C5orf34: variants seen among roughly 807,000 people sequenced by gnomAD.
C5orf34 encodes uncharacterized protein C5orf34.
Under a neutral mutation model 78.4 loss-of-function variants are expected in C5orf34, and 73 were observed. That is an observed-to-expected ratio of 0.93 (90% confidence interval 0.77 to 1.13). The LOEUF is 1.13. C5orf34 is among the 50% of genes most tolerant of loss of function. The pLI, the probability that C5orf34 is intolerant of heterozygous loss-of-function variation, is 0.00. For synonymous variants in C5orf34, 251 were observed against 246.6 expected (o/e 1.02, Z -0.17); for missense variants, 730 against 732.7 (o/e 1.00, Z 0.04).
At chr5:43,501,800 A>G (rs746804975) in intron 6 of C5orf34, among the ~76,000 whole-genome samples, 1 of 152,208 alleles carries the variant, frequency 6.6e-6, no homozygotes, top group African/African-American at 2.4e-5. Context: ...GTGTGATACT[A>G]TAGTGATTGC....
rs561197321 is a variant in C5orf34 at position 43,508,627 on chromosome 5, C to A, written c.235G>T (p.Ala79Ser). 1.9e-6 allele frequency: 3 copies of A among 1,612,228 alleles called. No individual in the cohort carries two copies. Among genetic ancestry groups the A allele is most frequent in the East Asian group, 4.5e-5 (2 of 44,840 alleles). The change falls in exon 3 of 13, where the codon GCT becomes TCT. Residue 79 changes from alanine to serine, a missense_variant. Ala to Ser is a moderately conservative substitution (Grantham distance 99, BLOSUM62 1). Transcript: ENST00000306862. ...QRALDFRNSS[A>S]TCPFLSETII... ...GTTTCAGATAAAAAAGGGCAAGTAG[C>A]TGAAGAGTTTCGAAAATCTAGGGCT...
chr5:43,489,784 A>G (rs946577731), intron 11 of C5orf34, among the ~76,000 whole-genome samples: 1 of 152,110 alleles, frequency 6.6e-6, no homozygotes, highest in African/African-American at 2.4e-5. Flanking sequence ...ATTTTGTTTC[A>G]CTACACTATG....
chr5:43,510,640 G>A lies in C5orf34; in HGVS notation c.-36-1265C>T, dbSNP rs796149542. ...ATTTTTTTGGTGGAGACGGGGTTTC[G>A]CTGTGTTGGCCGGGCTGGTCTCCAG... On this transcript the variant is annotated intron_variant, in intron 1 of 12. Coordinates refer to ENST00000306862, the MANE Select transcript of C5orf34 (RefSeq NM_198566.4). Among the ~76,000 whole-genome samples the A allele has an allele frequency of 4.0e-5, 6 of 150,862 alleles. No homozygotes were observed. In the East Asian group the frequency reaches 9.7e-4, roughly 24 times the overall value.
rs574379448 is a variant in C5orf34 at position 43,496,336 on chromosome 5, T to G, written c.1153-1735A>C. On this transcript the variant is annotated intron_variant, in intron 6 of 12. Coordinates refer to ENST00000306862, the MANE Select transcript of C5orf34 (RefSeq NM_198566.4). ...CTCAGCAGCCTCCTTCTCAAATTTT[T>G]CAATGGTTCTTTTGTCGATGCCACC... is the stretch of plus-strand genomic sequence containing the variant. 359 of 1,589,158 alleles carry G rather than the reference T, an allele frequency of 2.3e-4. 1 individual carries two copies. Among genetic ancestry groups the G allele is most frequent in the Admixed American group, 7.8e-4 (47 of 60,000 alleles).
chr5:43,496,500 A>C (rs1745531181), intron 6 of C5orf34: 1 of 1,438,352 alleles, frequency 7.0e-7, no homozygotes, highest in East Asian at 2.3e-5. Context: ...TTCTGGTGGC[A>C]AACCCATTGT....
chr5:43,490,220 T>A (rs1163484641), intron 11 of C5orf34: 1 of 167,428 alleles, frequency 6.0e-6, no homozygotes, highest in Non-Finnish European at 1.3e-5. Flanking sequence ...TTGGGAGAAG[T>A]AACTAATATG....
At chr5:43,507,171 G>A (rs1746017529) in intron 3 of C5orf34, among the ~76,000 whole-genome samples, 1 of 152,150 alleles carries the variant, frequency 6.6e-6, no homozygotes, top group Admixed American at 6.5e-5. Context: ...AATTGATTCT[G>A]ACTAATAAAA....
intron 11 of C5orf34, among the ~76,000 whole-genome samples, chr5:43,488,821 G>C (rs1174760063): frequency 6.6e-6 from 1 of 152,052 alleles, no homozygotes; most frequent in African/African-American, 2.4e-5. Flanking sequence ...ACTGTAACTT[G>C]ACTAGCTCTC....
In C5orf34 at chr5:43,487,108, A is replaced by G. The variant is rs140365787; in HGVS notation, c.1724T>C (p.Leu575Pro). ...GTTTAGGATACCACTATTTTCTAGT[A>G]GCACTAAGTTGCTTAGTTAAGGAGG... Reference protein sequence around the residue: ...ELEKIQKFNLLLENSGILNQI... With the variant: ...ELEKIQKFNLPLENSGILNQI... The change falls in exon 13 of 13, where the codon CTA becomes CCA. Residue 575 changes from leucine to proline, a missense_variant. By Grantham distance (98) the Leu-to-Pro change is moderately conservative. Transcript: ENST00000306862. 892 of 1,507,826 alleles carry G rather than the reference A, an allele frequency of 5.9e-4. No individual in the cohort carries two copies. Among genetic ancestry groups the G allele is most frequent in the Non-Finnish European group, 7.5e-4 (840 of 1,126,934 alleles). 93.4% of individuals were successfully genotyped at this position (1,507,826 alleles called of 1,614,324 possible).
intron 6 of C5orf34, chr5:43,495,700 G>A (rs1745486861): frequency 6.3e-7 from 1 of 1,579,350 alleles, no homozygotes; most frequent in African/African-American, 1.3e-5. Context: ...CAATTTTGTA[G>A]ACATCCTGGA....
At position 43,510,456 on chromosome 5, in the gene C5orf34, C is replaced by T. The variant is rs1746177338; in HGVS notation, c.-36-1081G>A. On this transcript the variant is annotated intron_variant, in intron 1 of 12. Transcript: ENST00000306862. ...CTCTCCCTCTCCCCACGGTCTCCCT[C>T]TCCCTCTCTTTCTACGGTCTCCCTC... Among the ~76,000 whole-genome samples, 3 of 152,154 alleles carry T rather than the reference C, an allele frequency of 2.0e-5. No homozygotes were observed. The South Asian group carries it at 6.2e-4, about 31-fold the overall frequency.
At chr5:43,487,282 A>C (rs567036705) in intron 12 of C5orf34, among the ~76,000 whole-genome samples, 171 bp from the exon 13 acceptor site, 1 of 152,302 alleles carries the variant, frequency 6.6e-6, no homozygotes, top group African/African-American at 2.4e-5. Context: ...TAGATGAAGA[A>C]ACTAATTACA....
chr5:43,514,666 T>TA (rs1400747533), intron 1 of C5orf34, 140 bp downstream of exon 1: 1 of 152,190 alleles, frequency 6.6e-6, no homozygotes, highest in African/African-American at 2.4e-5. Context: ...CCCAGCACAT[T>TA]ACGTCAGGGT....
Position 43,492,327 on chromosome 5 carries a change from T to C in C5orf34, c.1486-18A>G. 1 of 1,510,680 alleles carries C rather than the reference T, an allele frequency of 6.6e-7. No homozygotes were observed. Among genetic ancestry groups the C allele is most frequent in the Non-Finnish European group, 9.1e-7 (1 of 1,094,500 alleles). 93.6% of individuals were successfully genotyped at this position (1,510,680 alleles called of 1,614,324 possible). A position where few individuals can be genotyped will look rare whatever the true frequency, so the allele number is the denominator to read the frequency against. On this transcript the variant is annotated intron_variant, in intron 9 of 12. Coordinates refer to ENST00000306862, the MANE Select transcript of C5orf34 (RefSeq NM_198566.4). ...TGATTTACCTGAAGAAGTAGAAAGA[T>C]AAGTTTTATCATTTTAGAACTGAAA...
chr5:43,505,567 G>A, intron 4 of C5orf34, 181 bp downstream of exon 4: 1 of 572,024 alleles, frequency 1.7e-6, no homozygotes, highest in South Asian at 3.0e-5. Flanking sequence ...TTCAATGCAT[G>A]GACACAGAGT....
intron 6 of C5orf34, chr5:43,495,329 T>C: frequency 6.2e-7 from 1 of 1,611,802 alleles, no homozygotes; most frequent in Non-Finnish European, 8.5e-7. Flanking sequence ...ATCAATCTTT[T>C]CCTTCAGCTC....
At chr5:43,492,950 G>A in intron 8 of C5orf34, 60 bp from the exon 9 acceptor site, 1 of 1,209,306 alleles carries the variant, frequency 8.3e-7, no homozygotes, top group Non-Finnish European at 1.2e-6. Flanking sequence ...AGATTTAAAT[G>A]AATATTAATG....
rs751136348 is a variant in C5orf34, at chr5:43,492,230, G to T, written c.1565C>A (p.Pro522His). 1.9e-6 allele frequency: 3 copies of T among 1,610,470 alleles called. No individual in the cohort carries two copies. The East Asian group carries it at 6.7e-5, about 36-fold the overall frequency. ...TTTTCAGTACCTTTCATATGGTTCA[G>T]GGTGTTCAATCTGAATTAACTGCTC... ...GQEQLIQIEH[P>H]EPYERYVTTV... The change falls in exon 10 of 13, where the codon CCT becomes CAT. Residue 522 changes from proline (P) to histidine (H), a missense_variant. Coordinates refer to ENST00000306862, the MANE Select transcript of C5orf34 (RefSeq NM_198566.4).
chr5:43,512,370 C>T (rs1383316480), intron 1 of C5orf34, among the ~76,000 whole-genome samples: 1 of 152,244 alleles, frequency 6.6e-6, no homozygotes, highest in Non-Finnish European at 1.5e-5. Context: ...CTATAAACAG[C>T]TCAAGTGTAG....
Sources: allele counts gnomAD v4.1 joint callset (sites outside exome capture counted in the v4.1 genomes callset), GRCh38; gene constraint gnomAD v4.1.1; transcripts MANE v1.5; gene names NCBI Gene and HGNC (gene_info 2026-07-23, HGNC 2026-07-21).